Variants in FAF1 observed in about 807,000 individuals in gnomAD.
FAF1 encodes the protein Fas associated factor 1.
A neutral mutation model predicts 92.5 loss-of-function variants in FAF1; 25 were observed. The observed-to-expected ratio is 0.27, with a 90% CI of 0.20 to 0.38. The LOEUF (loss-of-function observed/expected upper bound fraction) is 0.38. FAF1 is among the 10% of genes least tolerant of loss of function. The pLI, the probability that FAF1 is intolerant of heterozygous loss-of-function variation, is 1.00. For synonymous variants in FAF1, 234 were observed against 273.2 expected (o/e 0.86, Z 1.42); for missense variants, 636 against 793.3 (o/e 0.80, Z 2.38).
At chr1:50,746,565 G>C (rs1659631953) in intron 4 of FAF1, among the ~76,000 whole-genome samples, 1 of 151,542 alleles carries the variant, frequency 6.6e-6, no homozygotes, top group African/African-American at 2.4e-5. Context: ...GCCTCCCAAA[G>C]TGCTGGGATT....
At chr1:50,945,389 A>G (rs1645166011) in intron 1 of FAF1, among the ~76,000 whole-genome samples, 1 of 152,212 alleles carries the variant, frequency 6.6e-6, no homozygotes, top group Non-Finnish European at 1.5e-5. Context: ...ATCTGCCAGG[A>G]GCAAGCAGGA....
chr1:50,728,023 G>A (rs1658734140), intron 6 of FAF1, among the ~76,000 whole-genome samples: 2 of 152,132 alleles, frequency 1.3e-5, no homozygotes, highest in Admixed American at 6.6e-5. Context: ...TTTAGCTTGT[G>A]ATTGTGTGAG....
At chr1:50,683,653 C>A (rs908380949) in intron 7 of FAF1, among the ~76,000 whole-genome samples, 4 of 151,812 alleles carry the variant, frequency 2.6e-5, no homozygotes, top group African/African-American at 7.3e-5. Flanking sequence ...ATGTTTTTGG[C>A]CGGGTGCAGT....
chr1:50,442,905 G>GT (rs1646186585), intron 18 of FAF1, among the ~76,000 whole-genome samples: 1 of 152,212 alleles, frequency 6.6e-6, no homozygotes, highest in South Asian at 2.1e-4. Context: ...AAAGCACACT[G>GT]TATTTGTATC....
chr1:50,893,240 T>G (rs1235844278), intron 1 of FAF1, among the ~76,000 whole-genome samples: 1 of 152,192 alleles, frequency 6.6e-6, no homozygotes, highest in Non-Finnish European at 1.5e-5. Flanking sequence ...ATCTTGATGC[T>G]TATGGATGTT....
chr1:50,788,347 C>A, intron 3 of FAF1, 142 bp from the exon 4 acceptor site: 1 of 660,338 alleles, frequency 1.5e-6, no homozygotes. Context: ...GACTTGAGTT[C>A]TACTTCCTCC....
intron 8 of FAF1, among the ~76,000 whole-genome samples, chr1:50,617,792 T>A (rs1386382426): frequency 1.5e-4 from 22 of 151,672 alleles, no homozygotes; most frequent in Admixed American, 1.4e-3. Flanking sequence ...GGTCCAGTGC[T>A]TTTTTTGGTT....
chr1:50,697,831 T>C lies in FAF1; in HGVS notation c.657+7955A>G, dbSNP rs75482411. ...AATAATAATAGGAGTACATTGAGGGTAATAAGGTACTATACTATAGCCCTA... is the reference window on the plus strand; with the variant it reads ...AATAATAATAGGAGTACATTGAGGGCAATAAGGTACTATACTATAGCCCTA... On this transcript the variant is annotated intron_variant, in intron 7 of 18. Coordinates refer to ENST00000396153, the MANE Select transcript of FAF1 (RefSeq NM_007051.3). Among the ~76,000 whole-genome samples the C allele has an allele frequency of 9.9e-3, 1,503 of 152,262 alleles. 23 individuals are homozygous for C. Among genetic ancestry groups the C allele is most frequent in the African/African-American group, 0.034 (1,425 of 41,550 alleles).
intron 3 of FAF1, among the ~76,000 whole-genome samples, chr1:50,792,073 C>CT (rs765515695): frequency 6.6e-6 from 1 of 152,122 alleles, no homozygotes; most frequent in Non-Finnish European, 1.5e-5. Context: ...AAACAAGTGT[C>CT]TAAGACAACC....
intron 7 of FAF1, among the ~76,000 whole-genome samples, chr1:50,691,454 C>G (rs1283057256): frequency 6.6e-6 from 1 of 152,176 alleles, no homozygotes; most frequent in Non-Finnish European, 1.5e-5. Flanking sequence ...GTTGCCCAGG[C>G]TGGTCTCAAA....
chr1:50,596,897 C>A (rs1202918806), intron 8 of FAF1, among the ~76,000 whole-genome samples: 1 of 152,114 alleles, frequency 6.6e-6, no homozygotes, highest in Non-Finnish European at 1.5e-5. Context: ...CTCACAATTG[C>A]AAGTATTAAA....
At chr1:50,656,134 C>G (rs1031640275) in intron 7 of FAF1, among the ~76,000 whole-genome samples, 2 of 152,048 alleles carry the variant, frequency 1.3e-5, no homozygotes, top group Admixed American at 6.6e-5. Context: ...GAGTTCGAGA[C>G]CAGTCTGGCC....
chr1:50,504,915 T>C (rs576878618), intron 15 of FAF1, among the ~76,000 whole-genome samples: 1 of 152,294 alleles, frequency 6.6e-6, no homozygotes, highest in South Asian at 2.1e-4. Context: ...GGCCCCACAC[T>C]TCAGAATAAC....
intron 15 of FAF1, among the ~76,000 whole-genome samples, chr1:50,520,663 A>G (rs1647452501): frequency 6.6e-6 from 1 of 152,166 alleles, no homozygotes; most frequent in African/African-American, 2.4e-5. Context: ...CCTGGGCAAC[A>G]TGATGAAACC....
At chr1:50,633,085 A>G (rs534018137) in intron 8 of FAF1, among the ~76,000 whole-genome samples, 19 of 152,228 alleles carry the variant, frequency 1.2e-4, no homozygotes, top group Non-Finnish European at 2.8e-4. Flanking sequence ...ACTTGCCTCT[A>G]AACAACAAAA....
intron 18 of FAF1, among the ~76,000 whole-genome samples, chr1:50,464,756 C>A (rs1646473762): frequency 2.6e-5 from 4 of 152,196 alleles, no homozygotes; most frequent in African/African-American, 9.7e-5. Flanking sequence ...CACAATTTAT[C>A]TGTGAGGACA....
Position 50,441,346 on chromosome 1 carries a change from G to A in FAF1, c.*94C>T. 3.1e-6 allele frequency: 2 copies of A among 642,318 alleles called. No homozygotes were observed. Among genetic ancestry groups the A allele is most frequent in the Non-Finnish European group, 5.3e-6 (2 of 380,342 alleles). The allele number at this position is 642,318 out of a possible 1,614,324, so 39.8% of individuals were successfully genotyped here. A position where few individuals can be genotyped will look rare whatever the true frequency, so the allele number is the denominator to read the frequency against. ...GCAGAAGTGTGACATTGAATTGAGTGAGACGAGCGTGTGGGTGGGTTGGCG... is the reference window on the plus strand; with the variant it reads ...GCAGAAGTGTGACATTGAATTGAGTAAGACGAGCGTGTGGGTGGGTTGGCG... On this transcript the variant is annotated 3_prime_UTR_variant, in exon 19 of 19. Transcript: ENST00000396153.
At chr1:50,635,632 C>G (rs1053484432) in intron 8 of FAF1, among the ~76,000 whole-genome samples, 11 of 152,088 alleles carry the variant, frequency 7.2e-5, no homozygotes, top group Non-Finnish European at 1.5e-4. Context: ...CACCATGTTG[C>G]CCAGGCTTGT....
intron 7 of FAF1, among the ~76,000 whole-genome samples, chr1:50,690,072 T>C (rs1187792252): frequency 6.7e-6 from 1 of 148,616 alleles, no homozygotes; most frequent in Non-Finnish European, 1.5e-5. Flanking sequence ...CTTGGCTCAC[T>C]GCAACCTCCG....
Sources: allele counts gnomAD v4.1 joint callset (sites outside exome capture counted in the v4.1 genomes callset), GRCh38; gene constraint gnomAD v4.1.1; transcripts MANE v1.5; gene names NCBI Gene and HGNC (gene_info 2026-07-23, HGNC 2026-07-21).